The following ZNF208 variants were observed in gnomAD, a reference collection of about 807,000 sequenced individuals.
ZNF208 encodes the protein zinc finger protein 95.
A neutral mutation model predicts 12.1 loss-of-function variants in ZNF208; 10 were observed. The observed-to-expected ratio is 0.83, with a 90% CI of 0.51 to 1.40. ZNF208 has a LOEUF of 1.40. ZNF208 is among the 40% of genes most tolerant of loss of function. The pLI is 0.00. For missense variants in ZNF208, 1,652 were observed against 1,485.0 expected (o/e 1.11, Z -1.85); for synonymous variants, 497 against 488.4 (o/e 1.02, Z -0.23).
intron 1 of ZNF208, among the ~76,000 whole-genome samples, chr19:21,995,671 G>T (rs550510977): frequency 1.3e-5 from 2 of 152,282 alleles, no homozygotes; most frequent in East Asian, 3.9e-4. Flanking sequence ...TAGCTGTTGG[G>T]TAAGTAGAAG....
downstream of ZNF208, among the ~76,000 whole-genome samples, chr19:21,963,172 T>A (rs1490967357): frequency 6.6e-6 from 1 of 152,072 alleles, no homozygotes; most frequent in South Asian, 2.1e-4. Context: ...GTGATACTCC[T>A]GTGCCAAAAA....
chr19:21,941,309 ACAT>A (rs1253426217), intron 4 of ZNF208: 4 of 398,794 alleles, frequency 1.0e-5, no homozygotes, highest in African/African-American at 8.2e-5. Context: ...AAAACAGTTC[ACAT>A]CATGATAGAA....
At chr19:22,008,225 C>G in intron 1 of ZNF208, among the ~76,000 whole-genome samples, 1 of 147,096 alleles carries the variant, frequency 6.8e-6, no homozygotes, top group Non-Finnish European at 1.5e-5. Context: ...ATTGCTTGAA[C>G]CCGGGAGGCA....
At chr19:21,963,965 T>A (rs942783463), downstream of ZNF208, among the ~76,000 whole-genome samples, 2 of 151,912 alleles carry the variant, frequency 1.3e-5, no homozygotes, top group Non-Finnish European at 2.9e-5. Flanking sequence ...AAGTATTGCA[T>A]ATTTCAAAAT....
At chr19:21,990,387 T>C (rs1467177919) in intron 1 of ZNF208, among the ~76,000 whole-genome samples, 1 of 152,218 alleles carries the variant, frequency 6.6e-6, no homozygotes, top group Non-Finnish European at 1.5e-5. Flanking sequence ...AAAGATCAGA[T>C]AGTTGTAGAT....
At chr19:21,954,231 G>A (rs1969935507) in intron 4 of ZNF208, among the ~76,000 whole-genome samples, 2 of 152,302 alleles carry the variant, frequency 1.3e-5, no homozygotes, top group South Asian at 4.1e-4. Context: ...TTTTCCATTT[G>A]CTGAGGAGTG....
intron 2 of ZNF208, among the ~76,000 whole-genome samples, chr19:21,987,816 C>A (rs965898682): frequency 6.6e-6 from 1 of 152,138 alleles, no homozygotes; most frequent in Non-Finnish European, 1.5e-5. Flanking sequence ...CCATTTCACC[C>A]CTGAACATCT....
At chr19:21,950,685 G>A (rs1285598964) in intron 4 of ZNF208, among the ~76,000 whole-genome samples, 2 of 151,756 alleles carry the variant, frequency 1.3e-5, no homozygotes, top group African/African-American at 4.8e-5. Flanking sequence ...AGTAGAGATG[G>A]GGTTTCACCA....
At chr19:21,989,080 T>C (rs1970678462) in intron 1 of ZNF208, among the ~76,000 whole-genome samples, 171 bp from the exon 2 acceptor site, 3 of 146,886 alleles carry the variant, frequency 2.0e-5, no homozygotes, top group Admixed American at 2.0e-4. Flanking sequence ...TTCTCTCTCT[T>C]TTTTCTTTTT....
Position 21,972,659 on chromosome 19 carries a change from A to C in ZNF208, c.2375T>G (p.Leu792Arg), listed in dbSNP as rs752607509. The C allele has an allele frequency of 1.2e-6, 2 of 1,613,072 alleles. No homozygotes were observed. The highest frequency in any genetic ancestry group is 2.2e-5 in the South Asian group (2 of 91,006). Residue 792 changes from leucine to arginine, a missense_variant, in exon 4 of 4, where the codon CTT becomes CGT. Leu to Arg is a moderately radical substitution (Grantham distance 102). This residue lies in a region of ZNF208 where 1,239 missense variants were observed against 1,086.2 expected (regional missense o/e 1.14). Coordinates refer to ENST00000397126, the MANE Select transcript of ZNF208 (RefSeq NM_007153.3). ...CGKAFNRSAI[L>R]IKHKRIHTDE... Reference sequence around the variant, plus strand: ...AGTATGAATTCTCTTATGTTTAATAAGGATTGCAGATCGGTTAAAAGCTTT... The same window carrying C: ...AGTATGAATTCTCTTATGTTTAATACGGATTGCAGATCGGTTAAAAGCTTT...
downstream of ZNF208, among the ~76,000 whole-genome samples, chr19:21,963,589 A>C (rs180726382): frequency 1.7e-4 from 26 of 152,126 alleles, no homozygotes; most frequent in East Asian, 4.8e-3. Flanking sequence ...TTTCACATGC[A>C]CCTATTAGGG....
intron 4 of ZNF208, among the ~76,000 whole-genome samples, chr19:21,956,309 G>C (rs1254643853): frequency 1.6e-5 from 2 of 124,480 alleles, no homozygotes; most frequent in African/African-American, 3.4e-5. Flanking sequence ...GAGGCAGTCT[G>C]TCCATTCTCA....
intron 4 of ZNF208, among the ~76,000 whole-genome samples, chr19:21,947,337 A>G (rs1479610603): frequency 6.6e-6 from 1 of 152,196 alleles, no homozygotes; most frequent in Non-Finnish European, 1.5e-5. Flanking sequence ...CCTTTATGAG[A>G]CAAGTTCATT....
chr19:21,973,680 G>A lies in ZNF208; in HGVS notation c.1354C>T (p.Pro452Ser), dbSNP rs12975751. 4.8e-5 allele frequency: 77 copies of A among 1,610,708 alleles called. 2 individuals are homozygous for A. The South Asian group carries it at 7.9e-4, about 17-fold the overall frequency. Residue 452 changes from proline (P) to serine (S), a missense_variant, in exon 4 of 4, where the codon CCC (proline) becomes TCC (serine). By Grantham distance (74) the Pro-to-Ser change is moderately conservative (BLOSUM62 -1). Transcript: ENST00000397126. Reference sequence around the variant, plus strand: ...TTGCCACATTCTTCACATTTGTAGGGTGTCTCTCCAGTGTGAATTTTCTTA... The same window carrying A: ...TTGCCACATTCTTCACATTTGTAGGATGTCTCTCCAGTGTGAATTTTCTTA... ...EHKKIHTGETPYKCEECGKGF... is the reference protein window; with the variant it reads ...EHKKIHTGETSYKCEECGKGF...
At position 21,969,787 on chromosome 19, in the gene ZNF208, T is replaced by C. The variant is rs1298311397; in HGVS notation, c.*1404A>G. Among the ~76,000 whole-genome samples the C allele has an allele frequency of 6.6e-6, 1 of 152,186 alleles. No homozygotes were observed. The highest frequency in any genetic ancestry group is 2.4e-5 in the African/African-American group (1 of 41,468). On this transcript the variant is annotated 3_prime_UTR_variant, in exon 4 of 4. Coordinates refer to ENST00000397126, the MANE Select transcript of ZNF208 (RefSeq NM_007153.3). ...TTTCCTCAAAATAAATATTCTTCTG[T>C]ACTTTAACAGCTTTTATTTTCTGAA...
intron 4 of ZNF208, among the ~76,000 whole-genome samples, chr19:21,956,728 C>A (rs947806265): frequency 4.6e-5 from 7 of 152,202 alleles, no homozygotes; most frequent in East Asian, 1.9e-4. Context: ...TTTCCAGGTA[C>A]AGTCTGTCAC....
chr19:21,962,346 A>C (rs1166215873), downstream of ZNF208, among the ~76,000 whole-genome samples: 1 of 152,168 alleles, frequency 6.6e-6, no homozygotes, highest in African/African-American at 2.4e-5. Context: ...CAGAGAGGAT[A>C]GTCAACTTAT....
At chr19:21,988,981 G>T in intron 1 of ZNF208, 72 bp from the exon 2 acceptor site, 1 of 1,594,728 alleles carries the variant, frequency 6.3e-7, no homozygotes. Flanking sequence ...AAGGTAAAAT[G>T]CAGAGAGTAA....
rs1970177844 is a variant in ZNF208, at chr19:21,966,784, T to G, written c.*4407A>C. Reference sequence around the variant, plus strand: ...AACATCTTATTTATCTTACTTTTAATAAGTCATTCTTACTGGTATGAAATA... The same window carrying G: ...AACATCTTATTTATCTTACTTTTAAGAAGTCATTCTTACTGGTATGAAATA... On this transcript the variant is annotated 3_prime_UTR_variant, in exon 4 of 4. Coordinates refer to ENST00000397126, the MANE Select transcript of ZNF208 (RefSeq NM_007153.3). 2 of 152,282 alleles carry G rather than the reference T, an allele frequency of 1.3e-5. No homozygotes were observed. Among genetic ancestry groups the G allele is most frequent in the East Asian group, 3.9e-4 (2 of 5,172 alleles). 9.4% of individuals were successfully genotyped at this position (152,282 alleles called of 1,614,324 possible).
Sources: gnomAD v4.1 joint callset for allele counts (sites outside exome capture counted in the v4.1 genomes callset) on GRCh38, gnomAD v4.1.1 for gene constraint, gnomAD v4.1.1 regional missense constraint, MANE v1.5 for transcripts, NCBI Gene and HGNC (gene_info 2026-07-23, HGNC 2026-07-21) for gene names.